PDXK: variants seen among roughly 807,000 people sequenced by gnomAD.
The protein encoded by PDXK is pyridoxal kinase, also known as epididymis secretory sperm binding protein Li 1a.
PDXK carries 15 observed loss-of-function variants against 43.2 expected under a neutral mutation model. The observed-to-expected ratio is 0.35, with a 90% CI of 0.23 to 0.53. The LOEUF (loss-of-function observed/expected upper bound fraction) is 0.53, where lower values mean the gene tolerates loss of function less well. Ranked by LOEUF, PDXK falls within the 20% of genes least tolerant of loss-of-function variation. The pLI, the probability that PDXK is intolerant of heterozygous loss-of-function variation, is 0.92. For synonymous variants in PDXK, 172 were observed against 165.4 expected, an observed-to-expected ratio of 1.04 and a Z score of -0.31; for missense variants, 343 against 417.0, an observed-to-expected ratio of 0.82 and a Z score of 1.54.
chr21:43,752,927 T>G (rs2083778946), intron 8 of PDXK, among the ~76,000 whole-genome samples: 1 of 152,168 alleles, frequency 6.6e-6, no homozygotes, highest in African/African-American at 2.4e-5. Context: ...CTGTGCTGAT[T>G]GTTTACACAG....
Position 43,732,063 on chromosome 21 carries a change from A to T in PDXK, c.88-2006A>T. The T allele has an allele frequency of 1.1e-6, 1 of 895,456 alleles. No individual in the cohort carries two copies. Among genetic ancestry groups the T allele is most frequent in the Non-Finnish European group, 1.4e-6 (1 of 699,970 alleles). 55.5% of individuals were successfully genotyped at this position (895,456 alleles called of 1,614,324 possible). On this transcript the variant is annotated intron_variant, in intron 1 of 10. Coordinates refer to ENST00000291565, the MANE Select transcript of PDXK (RefSeq NM_003681.5). The surrounding 1 kb of genome is among the most constrained non-coding windows in gnomAD (Gnocchi z 4.1). Reference sequence around the variant, plus strand: ...GCTGCTGCTATGGGAAGGGACGGTCACTACCGCTGCCCCTGTGGGGAGAAG... The same window carrying T: ...GCTGCTGCTATGGGAAGGGACGGTCTCTACCGCTGCCCCTGTGGGGAGAAG...
chr21:43,742,780 A>G (rs2083560044), intron 3 of PDXK, among the ~76,000 whole-genome samples: 2 of 152,166 alleles, frequency 1.3e-5, no homozygotes, highest in Non-Finnish European at 2.9e-5. Flanking sequence ...AGGTGGGAGG[A>G]TGGCTTGAGC....
chr21:43,732,078 G>A lies in PDXK; in HGVS notation c.88-1991G>A. ...AGGGACGGTCACTACCGCTGCCCCT[G>A]TGGGGAGAAGAGCCCCGGGGGAAGA... On this transcript the variant is annotated intron_variant, in intron 1 of 10. Transcript: ENST00000291565. The surrounding 1 kb of genome is among the most constrained non-coding windows in gnomAD (Gnocchi z 4.1). 1 of 1,080,064 alleles carries A rather than the reference G, an allele frequency of 9.3e-7. No homozygotes were observed. The highest frequency in any genetic ancestry group is 1.2e-6 in the Non-Finnish European group (1 of 855,366). The allele number at this position is 1,080,064 out of a possible 1,614,324, so 66.9% of individuals were successfully genotyped here. A position where few individuals can be genotyped will look rare whatever the true frequency, so the allele number is the denominator to read the frequency against.
intron 1 of PDXK, chr21:43,728,952 A>G (rs2083282457): frequency 1.0e-6 from 1 of 985,524 alleles, no homozygotes; most frequent in Non-Finnish European, 1.2e-6. Flanking sequence ...CCCCCAGGGC[A>G]GAGTGTAGCC....
At chr21:43,731,673 C>G (rs2083319892) in intron 1 of PDXK, among the ~76,000 whole-genome samples, 2 of 148,672 alleles carry the variant, frequency 1.3e-5, no homozygotes, top group African/African-American at 5.3e-5. Context: ...GAGAGCCCAG[C>G]AGCCCGCTGG....
rs1219834287 is a variant in PDXK at position 43,732,378 on chromosome 21, A to T, written c.88-1691A>T. On this transcript the variant is annotated intron_variant, in intron 1 of 10. Coordinates refer to ENST00000291565, the MANE Select transcript of PDXK (RefSeq NM_003681.5). This position sits in a 1 kb window ranked among gnomAD's most constrained non-coding sequence, Gnocchi z 4.1. Reference sequence around the variant, plus strand: ...GGCTTTGTCTGGCACATGAAGTTGGATGGGTAGACTCTGGAAGCGTCCAGA... The same window carrying T: ...GGCTTTGTCTGGCACATGAAGTTGGTTGGGTAGACTCTGGAAGCGTCCAGA... The T allele has an allele frequency of 6.2e-7, 1 of 1,611,640 alleles. No homozygotes were observed.
intron 1 of PDXK, among the ~76,000 whole-genome samples, chr21:43,722,384 C>A (rs773589885): frequency 1.3e-5 from 2 of 152,216 alleles, no homozygotes; most frequent in African/African-American, 2.4e-5. Context: ...CTGGGGCCCT[C>A]AGGGCAGCCT....
chr21:43,741,782 G>T lies in PDXK; in HGVS notation c.247+11G>T. 2 of 1,570,794 alleles carry T rather than the reference G, an allele frequency of 1.3e-6. No homozygotes were observed. Among genetic ancestry groups the T allele is most frequent in the Non-Finnish European group, 1.7e-6 (2 of 1,144,554 alleles). ...ACTACGTGCTCACAGGTAGGTGCCG[G>T]AGCAAGCTGCCGCAGGGGACTACGC... On this transcript the variant is annotated intron_variant, in intron 3 of 10. Transcript: ENST00000291565.
chr21:43,760,817 C>G lies in PDXK; in HGVS notation c.*4754C>G, dbSNP rs1488633451. Reference sequence around the variant, plus strand: ...ACTGCCCGGGCATCCCATCACCCACCAGGGTGCACGGTCTCTCCTGCTGGG... The same window carrying G: ...ACTGCCCGGGCATCCCATCACCCACGAGGGTGCACGGTCTCTCCTGCTGGG... On this transcript the variant is annotated 3_prime_UTR_variant, in exon 11 of 11. Coordinates refer to ENST00000291565, the MANE Select transcript of PDXK (RefSeq NM_003681.5). The G allele has an allele frequency of 6.6e-6, 1 of 152,262 alleles. No individual in the cohort carries two copies. The highest frequency in any genetic ancestry group is 6.5e-5 in the Admixed American group (1 of 15,286). 9.4% of individuals were successfully genotyped at this position (152,262 alleles called of 1,614,324 possible). A position where few individuals can be genotyped will look rare whatever the true frequency, so the allele number is the denominator to read the frequency against.
In PDXK at chr21:43,754,937, C is replaced by A. The variant is rs537669020; in HGVS notation, c.760-761C>A. ...TCCCATGGGACTAGCCCTCTGCACA[C>A]CCTGAGCTGGAATGCACAGCCCCCT... is the stretch of plus-strand genomic sequence containing the variant. On this transcript the variant is annotated intron_variant, in intron 9 of 10. Coordinates refer to ENST00000291565, the MANE Select transcript of PDXK (RefSeq NM_003681.5). This position sits in a 1 kb window ranked among gnomAD's most constrained non-coding sequence, Gnocchi z 5.5. Among the ~76,000 whole-genome samples, 2 of 152,246 alleles carry A rather than the reference C, an allele frequency of 1.3e-5. No homozygotes were observed. Among genetic ancestry groups the A allele is most frequent in the South Asian group, 2.1e-4 (1 of 4,820 alleles).
In PDXK at chr21:43,737,652, G is replaced by T. The variant is rs1278033152; in HGVS notation, c.142+3529G>T. On this transcript the variant is annotated intron_variant, in intron 2 of 10. Transcript: ENST00000291565. The surrounding 1 kb of genome is among the most constrained non-coding windows in gnomAD (Gnocchi z 4.8). ...GCTGGTGTGAACACAAGGAGCTGCG[G>T]GGCTGGAGAAGGCCAGGGCCAGGAG... is the stretch of plus-strand genomic sequence containing the variant. The T allele has an allele frequency of 2.0e-6, 2 of 985,314 alleles. No individual in the cohort carries two copies. Among genetic ancestry groups the T allele is most frequent in the Non-Finnish European group, 2.4e-6 (2 of 830,750 alleles). The allele number at this position is 985,314 out of a possible 1,614,324, so 61.0% of individuals were successfully genotyped here.
chr21:43,741,820 C>G (rs969099240), intron 3 of PDXK, 49 bp downstream of exon 3: 9 of 1,285,592 alleles, frequency 7.0e-6, no homozygotes, highest in Non-Finnish European at 9.0e-6. Flanking sequence ...CCCACTCCAG[C>G]CAGGGTGGGC....
intron 3 of PDXK, 98 bp downstream of exon 3, chr21:43,741,869 C>G (rs917253261): frequency 2.6e-6 from 2 of 772,604 alleles, no homozygotes; most frequent in African/African-American, 1.7e-5. Context: ...GGGCCTGTCT[C>G]GGGTCCCTGC....
chr21:43,732,047 A>G lies in PDXK; in HGVS notation c.88-2022A>G, dbSNP rs112141217. On this transcript the variant is annotated intron_variant, in intron 1 of 10. Transcript: ENST00000291565. This position sits in a 1 kb window ranked among gnomAD's most constrained non-coding sequence, Gnocchi z 4.1. ...CCACAAAGTGGATTCCGCTGCTGCT[A>G]TGGGAAGGGACGGTCACTACCGCTG... 2,424 of 658,190 alleles carry G rather than the reference A, an allele frequency of 3.7e-3. 56 individuals are homozygous for G. The African/African-American group carries it at 0.042, about 11-fold the overall frequency. 40.8% of individuals were successfully genotyped at this position (658,190 alleles called of 1,614,324 possible). A position where few individuals can be genotyped will look rare whatever the true frequency, so the allele number is the denominator to read the frequency against.
chr21:43,740,709 C>T (rs2083484196), intron 2 of PDXK, among the ~76,000 whole-genome samples: 1 of 151,930 alleles, frequency 6.6e-6, no homozygotes, highest in Non-Finnish European at 1.5e-5. Flanking sequence ...ACGGACACTT[C>T]ACCCTGGCTA....
intron 8 of PDXK, 26 bp downstream of exon 8, chr21:43,752,655 G>C (rs1437825459): frequency 1.5e-6 from 2 of 1,354,108 alleles, no homozygotes; most frequent in African/African-American, 2.9e-5. Flanking sequence ...GTGCACCGTG[G>C]CCGCCTCTGC....
intron 10 of PDXK, 33 bp from the exon 11 acceptor site, chr21:43,755,918 A>T: frequency 6.5e-7 from 1 of 1,542,278 alleles, no homozygotes; most frequent in Non-Finnish European, 8.9e-7. Context: ...CCCCTCTGAG[A>T]TGGGAACTCA....
chr21:43,719,461 C>T (rs1305331989), intron 1 of PDXK, 80 bp downstream of exon 1: 39 of 1,391,400 alleles, frequency 2.8e-5, no homozygotes, highest in Non-Finnish European at 3.7e-5. Context: ...AGCCTCAGTT[C>T]CCCGAGGGAG....
In PDXK at chr21:43,734,298, T is replaced by C. The variant is rs1328256831; in HGVS notation, c.142+175T>C. Among the ~76,000 whole-genome samples the C allele has an allele frequency of 6.6e-6, 1 of 151,954 alleles. No homozygotes were observed. Among genetic ancestry groups the C allele is most frequent in the African/African-American group, 2.4e-5 (1 of 41,348 alleles). The stretch of plus-strand genomic sequence containing the variant: ...GCAGAGCCTGCACAGCATATCAGGG[T>C]GTAGGCCTGGGTGGCCTCGCCTCTG... On this transcript the variant is annotated intron_variant, in intron 2 of 10. Transcript: ENST00000291565. This position sits in a 1 kb window ranked among gnomAD's most constrained non-coding sequence, Gnocchi z 5.0.
Sources: allele counts gnomAD v4.1 joint callset (sites outside exome capture counted in the v4.1 genomes callset), GRCh38; gene constraint gnomAD v4.1.1; non-coding constraint Gnocchi (gnomAD v3.1); transcripts MANE v1.5; gene names NCBI Gene and HGNC (gene_info 2026-07-23, HGNC 2026-07-21).